The following ZFAT variants were observed in gnomAD, a reference collection of about 807,000 sequenced individuals.
ZFAT encodes zinc finger and AT-hook domain containing, also known as zinc finger protein ZFAT.
Under a neutral mutation model 117.7 loss-of-function variants are expected in ZFAT, and 64 were observed. That is an observed-to-expected ratio of 0.54 (90% CI 0.44 to 0.67). ZFAT has a LOEUF of 0.67. Among genes scored for constraint, ZFAT ranks in the 30% least tolerant of loss-of-function variants. The pLI is 0.00. For synonymous variants in ZFAT, 679 were observed against 615.0 expected (o/e 1.10, Z -1.54); for missense variants, 1,433 against 1,584.5 (o/e 0.90, Z 1.62).
chr8:134,602,722 A>G lies in ZFAT; in HGVS notation c.997T>C (p.Phe333Leu), dbSNP rs774786685. ...GEKFACDYCS[F>L]TCLSKGHLKV... ...AGGTGGCCCTTGCTCAGGCAGGTGA[A>G]CGAGCAATAGTCGCAGGCGAACTTC... is the stretch of plus-strand genomic sequence containing the variant. The change falls in exon 6 of 16, where the codon TTC (phenylalanine) becomes CTC (leucine). Residue 333 changes from phenylalanine to leucine, a missense_variant. Phe to Leu is a conservative substitution (Grantham distance 22). Around this residue, in one of 5 missense-constraint regions of ZFAT, gnomAD observed 436 missense variants for 482.0 expected, o/e 0.90. Coordinates refer to ENST00000377838, the MANE Select transcript of ZFAT (RefSeq NM_020863.4). 6.2e-7 allele frequency: 1 copy of G among 1,614,004 alleles called. No homozygotes were observed. Among genetic ancestry groups the G allele is most frequent in the Non-Finnish European group, 8.5e-7 (1 of 1,179,910 alleles).
chr8:134,761,766 G>A, the ZFAT span, among the ~76,000 whole-genome samples: 1 of 151,404 alleles, frequency 6.6e-6, no homozygotes, highest in Admixed American at 6.6e-5. Context: ...TCAACAATAA[G>A]TCACAACAAT....
At chr8:134,683,674 G>A (rs996322242) in intron 1 of ZFAT, among the ~76,000 whole-genome samples, 1 of 152,022 alleles carries the variant, frequency 6.6e-6, no homozygotes, top group Non-Finnish European at 1.5e-5. Context: ...TGAGAGCTGT[G>A]GCGGCTCCAC....
At chr8:134,789,679 T>A in the ZFAT span, among the ~76,000 whole-genome samples, 1 of 152,138 alleles carries the variant, frequency 6.6e-6, no homozygotes, top group Non-Finnish European at 1.5e-5. Context: ...GCCCTACTGA[T>A]CTTGTGGAGT....
chr8:134,529,673 C>T (rs1479030251), intron 12 of ZFAT, among the ~76,000 whole-genome samples: 2 of 152,134 alleles, frequency 1.3e-5, no homozygotes, highest in Non-Finnish European at 2.9e-5. Flanking sequence ...GTGAAAGGTA[C>T]GTGGGAACCA....
chr8:134,811,204 A>C, the ZFAT span, among the ~76,000 whole-genome samples: 1 of 152,228 alleles, frequency 6.6e-6, no homozygotes, highest in African/African-American at 2.4e-5. Context: ...GATGTGACAA[A>C]TAGCTAGAGA....
chr8:134,573,552 T>G (rs1489164748), intron 10 of ZFAT, among the ~76,000 whole-genome samples: 2 of 152,212 alleles, frequency 1.3e-5, no homozygotes, highest in African/African-American at 4.8e-5. Context: ...AGGTTTCCAC[T>G]GCAGACACCG....
the ZFAT span, among the ~76,000 whole-genome samples, chr8:134,825,150 T>C: frequency 2.6e-5 from 4 of 152,220 alleles, no homozygotes; most frequent in African/African-American, 9.6e-5. Flanking sequence ...AGCAATAACA[T>C]GTAAAACTGG....
intron 11 of ZFAT, among the ~76,000 whole-genome samples, chr8:134,550,995 T>A (rs1046441794): frequency 6.6e-6 from 1 of 152,220 alleles, no homozygotes; most frequent in Non-Finnish European, 1.5e-5. Flanking sequence ...GGTTCAGTAG[T>A]TTCCACTGAA....
intron 2 of ZFAT, among the ~76,000 whole-genome samples, chr8:134,656,985 G>A (rs1484837895): frequency 6.6e-6 from 1 of 152,174 alleles, no homozygotes; most frequent in Non-Finnish European, 1.5e-5. Context: ...AGGATTCTGT[G>A]CAAATCAAAG....
chr8:134,699,758 G>A (rs372312183), intron 1 of ZFAT, among the ~76,000 whole-genome samples: 8 of 152,188 alleles, frequency 5.3e-5, no homozygotes, highest in African/African-American at 1.2e-4. Flanking sequence ...GGCAGAGAAC[G>A]ATGGCTGGAG....
chr8:134,686,307 A>G (rs1833322611), intron 1 of ZFAT, among the ~76,000 whole-genome samples: 1 of 152,288 alleles, frequency 6.6e-6, no homozygotes, highest in Non-Finnish European at 1.5e-5. Flanking sequence ...CATGGCTACA[A>G]GGAAGGCACA....
Position 134,602,103 on chromosome 8 carries a change from T to C in ZFAT, c.1616A>G (p.Asp539Gly). 3 of 1,612,158 alleles carry C rather than the reference T, an allele frequency of 1.9e-6. No individual in the cohort carries two copies. The highest frequency in any genetic ancestry group is 2.5e-6 in the Non-Finnish European group (3 of 1,179,460). The change falls in exon 6 of 16, where the codon GAC becomes GGC. Residue 539 changes from aspartate to glycine, a missense_variant. Physicochemically the swap from Asp to Gly is moderately conservative, Grantham distance 94. Transcript: ENST00000377838. The part of the protein sequence containing the change: ...NALKEEACPG[D>G]TQLEEGRKEP... ...CTTCCGGCCCTCCTCCAGCTGAGTG[T>C]CCCCAGGACAGGCCTCTTCCTTGAG... is the stretch of plus-strand genomic sequence containing the variant.
At chr8:134,655,489 A>C (rs964081095) in intron 2 of ZFAT, among the ~76,000 whole-genome samples, 6 of 152,062 alleles carry the variant, frequency 3.9e-5, no homozygotes, top group Admixed American at 3.9e-4. Flanking sequence ...CTATACAAAA[A>C]ATACAAAAAT....
At position 134,491,022 on chromosome 8, in the gene ZFAT, A is replaced by G. The variant is rs570008257; in HGVS notation, c.3493-12301T>C. Among the ~76,000 whole-genome samples, 18 of 152,354 alleles carry G rather than the reference A, an allele frequency of 1.2e-4. No individual in the cohort carries two copies. The South Asian group carries it at 3.7e-3, about 32-fold the overall frequency. On this transcript the variant is annotated intron_variant, in intron 15 of 15. Transcript: ENST00000377838. ...AAGCTGCAGGTGTGGGCAACAATGC[A>G]TCAGAATGTCCCTCACAACCAAGAA... is the stretch of plus-strand genomic sequence containing the variant.
chr8:134,662,556 G>C (rs2131224544), intron 1 of ZFAT, among the ~76,000 whole-genome samples: 1 of 152,296 alleles, frequency 6.6e-6, no homozygotes. Context: ...GGGATATTCA[G>C]AAAGCAGGCA....
intron 4 of ZFAT, among the ~76,000 whole-genome samples, chr8:134,609,944 A>T (rs76791661): frequency 0.019 from 2,867 of 152,326 alleles, 80 homozygotes; most frequent in African/African-American, 0.065. Context: ...AAAAATGAGA[A>T]TAGAACTCTA....
At chr8:134,638,825 TAGG>T (rs1406659436) in intron 2 of ZFAT, among the ~76,000 whole-genome samples, 2 of 151,638 alleles carry the variant, frequency 1.3e-5, no homozygotes, top group Non-Finnish European at 2.9e-5. Flanking sequence ...CGATGAGACT[TAGG>T]AGATGTCCCT....
At chr8:134,722,067 A>C in the ZFAT span, among the ~76,000 whole-genome samples, 1 of 152,220 alleles carries the variant, frequency 6.6e-6, no homozygotes, top group African/African-American at 2.4e-5. Flanking sequence ...AGGCCACAGG[A>C]TCTGTCCTCA....
intron 9 of ZFAT, among the ~76,000 whole-genome samples, chr8:134,584,315 T>C (rs1825916389): frequency 6.6e-6 from 1 of 152,144 alleles, no homozygotes; most frequent in Non-Finnish European, 1.5e-5. Context: ...TGTTCCCAAC[T>C]CCTGTAACTC....
Sources: allele counts gnomAD v4.1 joint callset (sites outside exome capture counted in the v4.1 genomes callset), GRCh38; gene constraint gnomAD v4.1.1; regional missense constraint gnomAD v4.1.1; transcripts MANE v1.5; gene names NCBI Gene and HGNC (gene_info 2026-07-23, HGNC 2026-07-21).